The following ZSWIM6 variants were observed in gnomAD, a reference collection of about 807,000 sequenced individuals.
ZSWIM6 encodes zinc finger SWIM domain-containing protein 6.
A neutral mutation model predicts 113.2 loss-of-function variants in ZSWIM6; 9 were observed. The observed-to-expected ratio is 0.08, with a 90% CI of 0.05 to 0.14. ZSWIM6 has a LOEUF of 0.14. Ranked by LOEUF, ZSWIM6 falls within the 10% of genes least tolerant of loss-of-function variation. The probability of loss-of-function intolerance (pLI) is 1.00; values close to 1 mark genes in which losing one functional copy is unlikely to be tolerated. For synonymous variants in ZSWIM6, 611 were observed against 606.5 expected (o/e 1.01, Z -0.11); for missense variants, 1,162 against 1,552.2 (o/e 0.75, Z 4.22).
At chr5:61,533,580 G>C (rs1233733233) in intron 9 of ZSWIM6, among the ~76,000 whole-genome samples, 1 of 152,172 alleles carries the variant, frequency 6.6e-6, no homozygotes, top group East Asian at 1.9e-4. Context: ...TTGGATACCT[G>C]ACTGAATGTT....
intron 1 of ZSWIM6, among the ~76,000 whole-genome samples, chr5:61,452,102 A>C (rs1048611121): frequency 1.3e-5 from 2 of 152,216 alleles, no homozygotes; most frequent in East Asian, 3.9e-4. Flanking sequence ...CCACTGCAGA[A>C]ATTATCCTGA....
intron 2 of ZSWIM6, among the ~76,000 whole-genome samples, chr5:61,485,492 G>A (rs981601601): frequency 1.3e-5 from 2 of 152,010 alleles, no homozygotes; most frequent in East Asian, 1.9e-4. Context: ...TGCCCCTCCC[G>A]ATTTCCAAAT....
chr5:61,375,859 T>G (rs553371102), intron 1 of ZSWIM6: 1 of 1,000,898 alleles, frequency 1.0e-6, no homozygotes, highest in East Asian at 2.6e-5. Context: ...ACCGTAACAT[T>G]AAGAAAAATC....
At position 61,463,900 on chromosome 5, in the gene ZSWIM6, G is replaced by A. The variant is rs192081211; in HGVS notation, c.677-8781G>A. 2.8e-4 allele frequency among the ~76,000 whole-genome samples: 42 copies of A among 152,278 alleles called. No homozygotes were observed. The East Asian group carries it at 7.7e-3, about 28-fold the overall frequency. ...AACTGTGCTGGATCCTTGGGCTACA[G>A]AGATGAAAGAGCTCTGCCTCCAAGC... On this transcript the variant is annotated intron_variant, in intron 1 of 13. Coordinates refer to ENST00000252744, the MANE Select transcript of ZSWIM6 (RefSeq NM_020928.2).
chr5:61,332,341 C>T lies in ZSWIM6; in HGVS notation c.69C>T (p.Gly23=). 1.9e-6 allele frequency: 2 copies of T among 1,041,560 alleles called. No homozygotes were observed. The highest frequency in any genetic ancestry group is 1.2e-6 in the Non-Finnish European group (1 of 850,138). The allele number at this position is 1,041,560 out of a possible 1,614,324, so 64.5% of individuals were successfully genotyped here. Residue 23 remains glycine, a synonymous_variant, in exon 1 of 14, where the codon GGC becomes GGT. Transcript: ENST00000252744. ...RLCCRPGGGG[G]GGGSSGGGGG... ...GCTGCCGGCCGGGCGGCGGCGGCGG[C>T]GGCGGGGGCAGCAGCGGCGGCGGCG...
In ZSWIM6 at chr5:61,450,583, G is replaced by A. The variant is rs143792381; in HGVS notation, c.677-22098G>A. ...AAAGCCTTCTGATAGGGTAGCCACTGGTGGGGATTTTTTTTAAATCATTTC... is the reference window on the plus strand; with the variant it reads ...AAAGCCTTCTGATAGGGTAGCCACTAGTGGGGATTTTTTTTAAATCATTTC... On this transcript the variant is annotated intron_variant, in intron 1 of 13. Coordinates refer to ENST00000252744, the MANE Select transcript of ZSWIM6 (RefSeq NM_020928.2). Among the ~76,000 whole-genome samples, 450 of 152,236 alleles carry A rather than the reference G, an allele frequency of 3.0e-3. 6 individuals carry two copies. The highest frequency in any genetic ancestry group is 0.01 in the African/African-American group (430 of 41,538).
At chr5:61,391,983 T>C in intron 1 of ZSWIM6, 1 of 428,132 alleles carries the variant, frequency 2.3e-6, no homozygotes, top group Non-Finnish European at 4.1e-6. Context: ...TCATTTTGTG[T>C]ATATTTTCCT....
intron 2 of ZSWIM6, among the ~76,000 whole-genome samples, chr5:61,486,119 A>G (rs1748013752): frequency 6.6e-6 from 1 of 152,088 alleles, no homozygotes; most frequent in African/African-American, 2.4e-5. Context: ...CCCACCCTCC[A>G]ACTCTTCCAA....
At chr5:61,389,554 CA>C (rs60533774) in intron 1 of ZSWIM6, among the ~76,000 whole-genome samples, 359 of 50,978 alleles carry the variant, frequency 7.0e-3, no homozygotes, top group South Asian at 0.026. Flanking sequence ...GACTCAGTCT[CA>C]AAAAAAAAAA....
chr5:61,415,698 T>G (rs527970961), intron 1 of ZSWIM6, among the ~76,000 whole-genome samples: 4 of 152,204 alleles, frequency 2.6e-5, no homozygotes, highest in African/African-American at 9.6e-5. Flanking sequence ...GGGCCCCATT[T>G]CTCTACAGTT....
chr5:61,341,552 C>T (rs899466582), intron 1 of ZSWIM6, among the ~76,000 whole-genome samples: 1 of 152,064 alleles, frequency 6.6e-6, no homozygotes, highest in African/African-American at 2.4e-5. Context: ...TTTCCGAGAA[C>T]CTATTGATGG....
At chr5:61,366,292 A>G (rs1275148120) in intron 1 of ZSWIM6, among the ~76,000 whole-genome samples, 15 of 152,126 alleles carry the variant, frequency 9.9e-5, no homozygotes, top group Admixed American at 9.2e-4. Context: ...ACCTGTACCC[A>G]CTTTGCCTCT....
At chr5:61,458,088 T>G (rs1747243233) in intron 1 of ZSWIM6, among the ~76,000 whole-genome samples, 1 of 152,210 alleles carries the variant, frequency 6.6e-6, no homozygotes, top group African/African-American at 2.4e-5. Context: ...TGGATAATAA[T>G]ATAGTCTCTT....
rs190032128 is a variant in ZSWIM6, at chr5:61,430,986, T to A, written c.677-41695T>A. ...AATCCAGACAGTATTAAATAGGGAGTATACTCTATACAGTCATTACTGGTG... is the reference window on the plus strand; with the variant it reads ...AATCCAGACAGTATTAAATAGGGAGAATACTCTATACAGTCATTACTGGTG... On this transcript the variant is annotated intron_variant, in intron 1 of 13. Coordinates refer to ENST00000252744, the MANE Select transcript of ZSWIM6 (RefSeq NM_020928.2). Among the ~76,000 whole-genome samples, 57 of 152,120 alleles carry A rather than the reference T, an allele frequency of 3.7e-4. No individual in the cohort carries two copies. In the East Asian group the frequency reaches 0.011, roughly 29 times the overall value.
chr5:61,388,959 A>G (rs1745645762), intron 1 of ZSWIM6, among the ~76,000 whole-genome samples: 1 of 152,208 alleles, frequency 6.6e-6, no homozygotes, highest in Non-Finnish European at 1.5e-5. Flanking sequence ...ATTCTAGATC[A>G]GTGTTTCTTT....
At chr5:61,385,060 A>G (rs926297786) in intron 1 of ZSWIM6, among the ~76,000 whole-genome samples, 1 of 151,666 alleles carries the variant, frequency 6.6e-6, no homozygotes, top group African/African-American at 2.4e-5. Context: ...ACTCCGTCTC[A>G]AAAAAAAATC....
intron 1 of ZSWIM6, among the ~76,000 whole-genome samples, chr5:61,428,565 C>G (rs978660635): frequency 6.0e-5 from 9 of 150,910 alleles, no homozygotes; most frequent in African/African-American, 2.2e-4. Context: ...TAGACAGGGT[C>G]TGGCTATGTT....
At chr5:61,411,438 A>G (rs1746146358) in intron 1 of ZSWIM6, among the ~76,000 whole-genome samples, 1 of 152,178 alleles carries the variant, frequency 6.6e-6, no homozygotes, top group South Asian at 2.1e-4. Context: ...GCTAGAATAT[A>G]GTTTTGCTTC....
intron 1 of ZSWIM6, among the ~76,000 whole-genome samples, chr5:61,421,062 G>A (rs907192506): frequency 1.3e-5 from 2 of 151,810 alleles, no homozygotes; most frequent in East Asian, 1.9e-4. Flanking sequence ...TGGAATTACC[G>A]GCGCACCCTG....
Sources: gnomAD v4.1 joint callset for allele counts (sites outside exome capture counted in the v4.1 genomes callset) on GRCh38, gnomAD v4.1.1 for gene constraint, MANE v1.5 for transcripts, NCBI Gene and HGNC (gene_info 2026-07-23, HGNC 2026-07-21) for gene names.